AMHR2: variants seen among roughly 807,000 people sequenced by gnomAD.
AMHR2 encodes the protein anti-Muellerian hormone type-2 receptor.
Under a neutral mutation model 61.4 loss-of-function variants are expected in AMHR2, and 36 were observed. The ratio of observed to expected loss-of-function variants is 0.59; its 90% CI spans 0.45 to 0.77. The LOEUF (loss-of-function observed/expected upper bound fraction) is 0.77. Ranked by LOEUF, AMHR2 falls within the 30% of genes least tolerant of loss-of-function variation. The pLI, the probability that AMHR2 is intolerant of heterozygous loss-of-function variation, is 0.00. For synonymous variants in AMHR2, 258 were observed against 279.4 expected, an observed-to-expected ratio of 0.92 and a Z score of 0.76; for missense variants, 638 against 714.6, an observed-to-expected ratio of 0.89 and a Z score of 1.22.
At position 53,426,982 on chromosome 12, in the gene AMHR2, C is replaced by CAAAAAA. The variant is rs929522833; in HGVS notation, c.852+1077_852+1082dup. Among the ~76,000 whole-genome samples, 5 of 71,812 alleles carry CAAAAAA rather than the reference C, an allele frequency of 7.0e-5. No homozygotes were observed. In the South Asian group the frequency reaches 2.5e-3, roughly 37 times the overall value. 47.1% of individuals were successfully genotyped at this position (71,812 alleles called of 152,430 possible). ...ACAGGTGTGAGACACCGTGCCCAGC[C>CAAAAAA]AAAAAAAAAAAAAAAAAAATTGTTA... is the stretch of plus-strand genomic sequence containing the variant. On this transcript the variant is annotated intron_variant, in intron 6 of 10. Coordinates refer to ENST00000257863, the MANE Select transcript of AMHR2 (RefSeq NM_020547.3).
rs375425684 is a variant in AMHR2 at position 53,425,464 on chromosome 12, A to G, written c.512A>G (p.Gln171Arg). The change falls in exon 5 of 11, where the codon CAG becomes CGG. Residue 171 changes from glutamine to arginine, a missense_variant. Transcript: ENST00000257863. ...LLGSIILALL[Q>R]RKNYRVRGEP... ...CTCTTGTCTGTTCCAGCCCTGCTAC[A>G]GCGAAAGAACTACAGAGTGCGAGGT... 2 of 1,613,796 alleles carry G rather than the reference A, an allele frequency of 1.2e-6. No individual in the cohort carries two copies. The highest frequency in any genetic ancestry group is 1.7e-5 in the Admixed American group (1 of 60,000).
intron 6 of AMHR2, among the ~76,000 whole-genome samples, chr12:53,427,412 T>C (rs551935854): frequency 1.2e-4 from 19 of 152,300 alleles, no homozygotes; most frequent in Non-Finnish European, 2.5e-4. Flanking sequence ...TATTTTATTT[T>C]ATTTTATTTT....
chr12:53,424,674 C>T (rs569533177), intron 2 of AMHR2, 35 bp from the exon 3 acceptor site: 82 of 1,604,208 alleles, frequency 5.1e-5, no homozygotes, highest in East Asian at 8.9e-5. Context: ...CTTGCCCCCC[C>T]TTTCTCTCCT....
intron 6 of AMHR2, among the ~76,000 whole-genome samples, chr12:53,427,393 T>TTTTTATTTTA (rs1198181076): frequency 7.9e-4 from 121 of 152,260 alleles, no homozygotes; most frequent in African/African-American, 2.7e-3. Context: ...CGCTACCCGC[T>TTTTTATTTTA]TTTTATTTTA....
In AMHR2 at chr12:53,429,553, G is replaced by A. The variant is rs754528985; in HGVS notation, c.1068G>A (p.Leu356=). 1 of 1,613,672 alleles carries A rather than the reference G, an allele frequency of 6.2e-7. No homozygotes were observed. Among genetic ancestry groups the A allele is most frequent in the African/African-American group, 1.3e-5 (1 of 74,786 alleles). Residue 356 remains leucine (L), a synonymous_variant, in exon 8 of 11, where the codon TTG becomes TTA. Transcript: ENST00000257863. ...CCATTGGAGACCTGGGCCTTGCCTT[G>A]GTGCTCCCTGGCCTCACTCAGCCCC... ...SCAIGDLGLA[L]VLPGLTQPPA...
Position 53,423,996 on chromosome 12 carries a change from A to G in AMHR2, c.49+13A>G, listed in dbSNP as rs778803533. On this transcript the variant is annotated intron_variant, in intron 1 of 10. Transcript: ENST00000257863. ...ACAGCTGTGGAAGGTAAGTGTCTAC[A>G]GGGAGGGGAAGGGTCTCTCCATCCA... is the stretch of plus-strand genomic sequence containing the variant. The G allele has an allele frequency of 1.2e-6, 2 of 1,613,990 alleles. No individual in the cohort carries two copies. The highest frequency in any genetic ancestry group is 1.7e-6 in the Non-Finnish European group (2 of 1,179,920).
At position 53,424,330 on chromosome 12, in the gene AMHR2, G is replaced by T. The variant is rs769498766; in HGVS notation, c.92G>T (p.Gly31Val). 5 of 1,612,922 alleles carry T rather than the reference G, an allele frequency of 3.1e-6. No individual in the cohort carries two copies. Among genetic ancestry groups the T allele is most frequent in the South Asian group, 2.2e-5 (2 of 91,026 alleles). Residue 31 changes from glycine (G) to valine (V), a missense_variant, in exon 2 of 11, where the codon GGA becomes GTA. Gly to Val is a moderately radical substitution (Grantham distance 109, BLOSUM62 -3). Transcript: ENST00000257863. Reference sequence around the variant, plus strand: ...ACCTGTGTGTTCTTTGAGGCCCCTGGAGTGCGGGGAAGCACAAAGACACTG... The same window carrying T: ...ACCTGTGTGTTCTTTGAGGCCCCTGTAGTGCGGGGAAGCACAAAGACACTG... ...RRTCVFFEAPGVRGSTKTLGE... is the reference protein window; with the variant it reads ...RRTCVFFEAPVVRGSTKTLGE...
At chr12:53,426,185 C>T (rs1350602426) in intron 6 of AMHR2, among the ~76,000 whole-genome samples, 2 of 152,014 alleles carry the variant, frequency 1.3e-5, no homozygotes, top group Non-Finnish European at 2.9e-5. Flanking sequence ...CAAAAATTAG[C>T]TCAGCATGGC....
chr12:53,430,666 A>T (rs796483682), intron 10 of AMHR2: 3 of 378,648 alleles, frequency 7.9e-6, no homozygotes, highest in East Asian at 6.1e-5. Flanking sequence ...AATCAATTCA[A>T]TAAGTCCCCA....
At chr12:53,424,062 T>TCTTCCAAAGGGGTGGCTC in intron 1 of AMHR2, 79 bp downstream of exon 1, 2 of 1,545,268 alleles carry the variant, frequency 1.3e-6, no homozygotes, top group Non-Finnish European at 1.8e-6. Context: ...GAGCCACCCC[T>TCTTCCAAAGGGGTGGCTC]TTGGAAGAGT....
Position 53,424,208 on chromosome 12 carries a change from T to C in AMHR2, c.50-80T>C. 3.8e-6 allele frequency: 6 copies of C among 1,560,930 alleles called. No homozygotes were observed. The South Asian group carries it at 6.7e-5, about 17-fold the overall frequency. On this transcript the variant is annotated intron_variant, in intron 1 of 10. Coordinates refer to ENST00000257863, the MANE Select transcript of AMHR2 (RefSeq NM_020547.3). ...TGACGCTGGGATGTGGAACATGTTT[T>C]GTCTATTCTTTTGGCCAGTTTTTTG...
chr12:53,429,263 G>A lies in AMHR2; in HGVS notation c.968-190G>A, dbSNP rs369389262. 5.9e-5 allele frequency among the ~76,000 whole-genome samples: 9 copies of A among 152,208 alleles called. No individual in the cohort carries two copies. In the South Asian group the frequency reaches 1.0e-3, roughly 18 times the overall value. Reference sequence around the variant, plus strand: ...AAATATTAGCCGGGCGTGGTGGCATGTGCCTGTAGTCCCAGCTACTCGGGA... The same window carrying A: ...AAATATTAGCCGGGCGTGGTGGCATATGCCTGTAGTCCCAGCTACTCGGGA... On this transcript the variant is annotated intron_variant, in intron 7 of 10. Coordinates refer to ENST00000257863, the MANE Select transcript of AMHR2 (RefSeq NM_020547.3).
In AMHR2 at chr12:53,425,552, G is replaced by T; in HGVS notation, c.600G>T (p.Leu200=). 6.2e-7 allele frequency: 1 copy of T among 1,614,004 alleles called. No homozygotes were observed. Among genetic ancestry groups the T allele is most frequent in the South Asian group, 1.1e-5 (1 of 91,074 alleles). ...ACTGGAGTGTGGAGCTGCAGGAGCT[G>T]CCTGAGCTGTGTTTCTCCCAGGTGC... The part of the protein sequence containing the change: ...GRDWSVELQE[L]PELCFSQVIR... Residue 200 remains leucine (L), a synonymous_variant, in exon 5 of 11, where the codon CTG becomes CTT. Coordinates refer to ENST00000257863, the MANE Select transcript of AMHR2 (RefSeq NM_020547.3).
In AMHR2 at chr12:53,431,361, C is replaced by A; in HGVS notation, c.1610C>A (p.Pro537His). Residue 537 changes from proline (P) to histidine (H), a missense_variant, in exon 11 of 11, where the codon CCT (proline) becomes CAT (histidine). Pro to His is a moderately conservative substitution (Grantham distance 77). Coordinates refer to ENST00000257863, the MANE Select transcript of AMHR2 (RefSeq NM_020547.3). ...TGCCCAGAAGACTGTACTTCAATTC[C>A]TGCCCCTACCATCCTCCCCTGTAGG... The part of the protein sequence containing the change: ...PLCPEDCTSI[P>H]APTILPCRPQ... The A allele has an allele frequency of 6.2e-7, 1 of 1,614,234 alleles. No homozygotes were observed. The highest frequency in any genetic ancestry group is 1.3e-5 in the African/African-American group (1 of 75,062).
In AMHR2 at chr12:53,424,800, C is replaced by T. The variant is rs1309509675; in HGVS notation, c.324C>T (p.Thr108=). The change falls in exon 3 of 11, where the codon ACC becomes ACT. Residue 108 remains threonine, a synonymous_variant. Coordinates refer to ENST00000257863, the MANE Select transcript of AMHR2 (RefSeq NM_020547.3). ...CCAGCCCTGGCTCCACTCTCTTCACCTGCTCCTGTGGCACTGACTTCTGCA... is the reference window on the plus strand; with the variant it reads ...CCAGCCCTGGCTCCACTCTCTTCACTTGCTCCTGTGGCACTGACTTCTGCA... ...AHPSPGSTLF[T]CSCGTDFCNA... is the part of the protein sequence containing the mutation. 6.2e-7 allele frequency: 1 copy of T among 1,614,080 alleles called. No homozygotes were observed. Among genetic ancestry groups the T allele is most frequent in the Non-Finnish European group, 8.5e-7 (1 of 1,179,998 alleles).
chr12:53,429,562 T>TTGGGCCTTGCCTTG lies in AMHR2; in HGVS notation c.1077_1078insTGGGCCTTGCCTTG (p.Gly360TrpfsTer67). 1 of 1,613,918 alleles carries TTGGGCCTTGCCTTG rather than the reference T, an allele frequency of 6.2e-7. No individual in the cohort carries two copies. The highest frequency in any genetic ancestry group is 1.1e-5 in the South Asian group (1 of 91,082). On this transcript the variant is annotated frameshift_variant, in exon 8 of 11. Transcript: ENST00000257863. LOFTEE classifies it high-confidence loss of function. ...ACCTGGGCCTTGCCTTGGTGCTCCC[T>TTGGGCCTTGCCTTG]GGCCTCACTCAGCCCCCTGCCTGGA...
At position 53,429,517 on chromosome 12, in the gene AMHR2, T is replaced by C. The variant is rs1939926514; in HGVS notation, c.1032T>C (p.Asp344=). ...LSSQNVLIRE[D]GSCAIGDLGL... ...GCCAGAATGTGCTCATTCGGGAAGA[T>C]GGATCGTGTGCCATTGGAGACCTGG... Residue 344 remains aspartate, a synonymous_variant, in exon 8 of 11, where the codon GAT becomes GAC. Transcript: ENST00000257863. 9.9e-6 allele frequency: 16 copies of C among 1,612,314 alleles called. No homozygotes were observed. The highest frequency in any genetic ancestry group is 1.7e-5 in the Admixed American group (1 of 59,706).
intron 6 of AMHR2, 50 bp from the exon 7 acceptor site, chr12:53,428,846 C>T: frequency 1.5e-6 from 2 of 1,352,496 alleles, no homozygotes; most frequent in Non-Finnish European, 2.1e-6. Flanking sequence ...TGGGATGGAT[C>T]AGCCGTCTCC....
chr12:53,430,198 C>T lies in AMHR2; in HGVS notation c.1341C>T (p.Thr447=). The part of the protein sequence containing the change: ...QLAYEAELGN[T]PTSDELWALA... ...CCTATGAGGCAGAACTGGGCAATAC[C>T]CCTACCTCTGATGAGCTATGGGCCT... is the stretch of plus-strand genomic sequence containing the variant. The change falls in exon 10 of 11, where the codon ACC becomes ACT. Residue 447 remains threonine (T), a synonymous_variant. Coordinates refer to ENST00000257863, the MANE Select transcript of AMHR2 (RefSeq NM_020547.3). The T allele has an allele frequency of 1.2e-6, 2 of 1,612,958 alleles. No homozygotes were observed. Among genetic ancestry groups the T allele is most frequent in the Non-Finnish European group, 1.7e-6 (2 of 1,179,002 alleles).
Sources: gnomAD v4.1 joint callset for allele counts (sites outside exome capture counted in the v4.1 genomes callset) on GRCh38, gnomAD v4.1.1 for gene constraint, MANE v1.5 for transcripts, NCBI Gene and HGNC (gene_info 2026-07-23, HGNC 2026-07-21) for gene names.